GRIN2A: variants seen among roughly 807,000 people sequenced by gnomAD.
GRIN2A encodes glutamate receptor ionotropic, NMDA 2A.
Under a neutral mutation model 113.4 loss-of-function variants are expected in GRIN2A, and 22 were observed. The ratio of observed to expected loss-of-function variants is 0.19; its 90% CI spans 0.14 to 0.28. GRIN2A has a LOEUF of 0.28. GRIN2A is among the 10% of genes least tolerant of loss of function. The pLI is 1.00. For missense variants in GRIN2A, 1,502 were observed against 1,887.0 expected (o/e 0.80, Z 3.78); for synonymous variants, 827 against 738.4 (o/e 1.12, Z -1.94).
At chr16:9,833,726 C>G (rs1023126724) in intron 8 of GRIN2A, among the ~76,000 whole-genome samples, 2 of 152,110 alleles carry the variant, frequency 1.3e-5, no homozygotes, top group Non-Finnish European at 1.5e-5. Flanking sequence ...ATAATGTATT[C>G]TTTGTGTGTG....
chr16:10,016,499 T>A (rs1038105777), intron 2 of GRIN2A, among the ~76,000 whole-genome samples: 1 of 152,032 alleles, frequency 6.6e-6, no homozygotes, highest in Non-Finnish European at 1.5e-5. Context: ...CACAGACCCA[T>A]CTCAGTGGAC....
chr16:9,812,347 G>T (rs762983741), intron 10 of GRIN2A, among the ~76,000 whole-genome samples: 1 of 152,130 alleles, frequency 6.6e-6, no homozygotes, highest in Non-Finnish European at 1.5e-5. Flanking sequence ...AGTTAGAAAT[G>T]CCTCACTTAA....
intron 3 of GRIN2A, among the ~76,000 whole-genome samples, chr16:9,905,755 G>C (rs1394574109): frequency 6.6e-6 from 1 of 152,106 alleles, no homozygotes; most frequent in Admixed American, 6.5e-5. Context: ...TATATACAAG[G>C]GGGAGGGGTG....
At chr16:9,770,382 C>G (rs1011001906) in intron 11 of GRIN2A, among the ~76,000 whole-genome samples, 2 of 152,018 alleles carry the variant, frequency 1.3e-5, no homozygotes, top group Non-Finnish European at 2.9e-5. Context: ...TAATATTGGT[C>G]TTTTTTTAAG....
At chr16:9,896,053 C>CTT (rs35262828) in intron 3 of GRIN2A, among the ~76,000 whole-genome samples, 1 of 147,118 alleles carries the variant, frequency 6.8e-6, no homozygotes, top group African/African-American at 2.5e-5. Flanking sequence ...GTCACAGCAA[C>CTT]TTTTTTTTTT....
chr16:9,822,389 T>C lies in GRIN2A; in HGVS notation c.2043A>G (p.Arg681=). The change falls in exon 10 of 13, where the codon CGA becomes CGG. Residue 681 remains arginine (R), a synonymous_variant. Transcript: ENST00000330684. ...QRPHDYSPPF[R]FGTVPNGSTE... ...TGCTTCCATTAGGCACTGTCCCAAA[T>C]CGAAAAGGTGGGGAATAGTCATGAG... 1 of 1,612,396 alleles carries C rather than the reference T, an allele frequency of 6.2e-7. No individual in the cohort carries two copies. The highest frequency in any genetic ancestry group is 2.2e-5 in the East Asian group (1 of 44,804).
At position 9,828,710 on chromosome 16, in the gene GRIN2A, T is replaced by C. The variant is rs116299285; in HGVS notation, c.2007+713A>G. On this transcript the variant is annotated intron_variant, in intron 9 of 12. Coordinates refer to ENST00000330684, the MANE Select transcript of GRIN2A (RefSeq NM_001134407.3). ...GCTACTCAAACCCTGCAACCCTTGTTATATTTCATTTCACTGGAGAATGAG... is the reference window on the plus strand; with the variant it reads ...GCTACTCAAACCCTGCAACCCTTGTCATATTTCATTTCACTGGAGAATGAG... Among the ~76,000 whole-genome samples, 782 of 152,286 alleles carry C rather than the reference T, an allele frequency of 5.1e-3. 6 individuals are homozygous for C. The highest frequency in any genetic ancestry group is 0.018 in the African/African-American group (759 of 41,552).
intron 2 of GRIN2A, among the ~76,000 whole-genome samples, chr16:10,000,965 G>C (rs2031845151): frequency 6.6e-6 from 1 of 152,038 alleles, no homozygotes; most frequent in South Asian, 2.1e-4. Flanking sequence ...ATAATCTGTA[G>C]GCAATGACTC....
At chr16:10,090,865 T>C (rs1221883022) in intron 2 of GRIN2A, among the ~76,000 whole-genome samples, 1 of 152,062 alleles carries the variant, frequency 6.6e-6, no homozygotes, top group Non-Finnish European at 1.5e-5. Flanking sequence ...AAAAATAAGA[T>C]GAGCTAAAAA....
intron 4 of GRIN2A, among the ~76,000 whole-genome samples, chr16:9,877,019 C>T (rs1278785743): frequency 1.3e-5 from 2 of 152,182 alleles, no homozygotes; most frequent in African/African-American, 4.8e-5. Context: ...ATCTCCACAA[C>T]CTATATGAAA....
At chr16:9,996,049 A>AAG (rs1555462917) in intron 2 of GRIN2A, among the ~76,000 whole-genome samples, 58 of 132,050 alleles carry the variant, frequency 4.4e-4, no homozygotes, top group African/African-American at 1.5e-3. Context: ...AAAAAAAAAA[A>AAG]AAAGAAAGAA....
intron 2 of GRIN2A, among the ~76,000 whole-genome samples, chr16:10,143,496 T>C (rs1028779711): frequency 6.6e-6 from 1 of 152,164 alleles, no homozygotes; most frequent in Non-Finnish European, 1.5e-5. Flanking sequence ...TTAAGGATAG[T>C]TGATGATATT....
chr16:9,862,818 T>C (rs1046606778), intron 4 of GRIN2A, among the ~76,000 whole-genome samples: 8 of 152,186 alleles, frequency 5.3e-5, no homozygotes, highest in Non-Finnish European at 8.8e-5. Flanking sequence ...TTCATAATCA[T>C]GGATTAATTT....
At chr16:10,078,338 C>T (rs138454873) in intron 2 of GRIN2A, among the ~76,000 whole-genome samples, 1 of 152,172 alleles carries the variant, frequency 6.6e-6, no homozygotes, top group Non-Finnish European at 1.5e-5. Context: ...CGTGACCACA[C>T]TCTCGGTGGG....
chr16:9,910,416 G>T (rs1329148586), intron 3 of GRIN2A, among the ~76,000 whole-genome samples: 2 of 151,682 alleles, frequency 1.3e-5, no homozygotes, highest in African/African-American at 4.8e-5. Context: ...AACAAAGAAA[G>T]CAAGCAGATG....
At chr16:10,038,379 C>T (rs1596451268) in intron 2 of GRIN2A, among the ~76,000 whole-genome samples, 1 of 152,152 alleles carries the variant, frequency 6.6e-6, no homozygotes, top group African/African-American at 2.4e-5. Flanking sequence ...CTCCTCTTGT[C>T]TAGACCTGTG....
At chr16:9,871,372 C>A (rs1270133724) in intron 4 of GRIN2A, among the ~76,000 whole-genome samples, 2 of 151,466 alleles carry the variant, frequency 1.3e-5, no homozygotes, top group African/African-American at 4.9e-5. Flanking sequence ...AAACTTTGGA[C>A]CCAGGTCCTT....
chr16:9,836,948 C>G (rs906687029), intron 7 of GRIN2A, among the ~76,000 whole-genome samples: 1 of 152,148 alleles, frequency 6.6e-6, no homozygotes, highest in African/African-American at 2.4e-5. Context: ...AGAAATATTA[C>G]AGGAGATGCC....
chr16:9,967,719 C>T (rs2045583755), intron 2 of GRIN2A, among the ~76,000 whole-genome samples: 1 of 151,656 alleles, frequency 6.6e-6, no homozygotes, highest in Non-Finnish European at 1.5e-5. Context: ...AAAAAAATTA[C>T]ATAATGGACT....
Sources: gnomAD v4.1 joint callset for allele counts (sites outside exome capture counted in the v4.1 genomes callset) on GRCh38, gnomAD v4.1.1 for gene constraint, MANE v1.5 for transcripts, NCBI Gene and HGNC (gene_info 2026-07-23, HGNC 2026-07-21) for gene names.